IMMP2L: variants seen among roughly 807,000 people sequenced by gnomAD.
IMMP2L encodes inner mitochondrial membrane peptidase subunit 2, also known as mitochondrial inner membrane protease subunit 2.
In IMMP2L, 18 loss-of-function variants were observed where a neutral mutation model predicts 19.3. The ratio of observed to expected loss-of-function variants is 0.93; its 90% CI spans 0.64 to 1.38. IMMP2L has a LOEUF of 1.38. IMMP2L is among the 40% of genes most tolerant of loss of function. The pLI is 0.00. For synonymous variants in IMMP2L, 76 were observed against 73.0 expected (o/e 1.04, Z -0.21); for missense variants, 233 against 218.2 (o/e 1.07, Z -0.43).
chr7:111,447,399 T>A (rs1435908988), intron 3 of IMMP2L, among the ~76,000 whole-genome samples: 1 of 149,184 alleles, frequency 6.7e-6, no homozygotes, highest in African/African-American at 2.5e-5. Context: ...TGGGGGCCAA[T>A]ATTCAACATT....
intron 5 of IMMP2L, among the ~76,000 whole-genome samples, chr7:110,783,926 A>T (rs1799902375): frequency 6.6e-6 from 1 of 151,934 alleles, no homozygotes; most frequent in African/African-American, 2.4e-5. Context: ...CTCCATAAAA[A>T]GACATTGGAC....
chr7:111,080,112 T>C (rs1178146552), intron 3 of IMMP2L, among the ~76,000 whole-genome samples: 1 of 152,222 alleles, frequency 6.6e-6, no homozygotes, highest in Non-Finnish European at 1.5e-5. Context: ...CTTTGTTCTA[T>C]GAACAAATTT....
intron 3 of IMMP2L, among the ~76,000 whole-genome samples, chr7:111,389,405 G>GT (rs376681496): frequency 1.7e-3 from 259 of 152,120 alleles, no homozygotes; most frequent in Non-Finnish European, 3.0e-3. Context: ...CGGTAATATT[G>GT]TATCAATACT....
chr7:111,534,346 A>G (rs1847680534), intron 1 of IMMP2L, among the ~76,000 whole-genome samples: 1 of 152,242 alleles, frequency 6.6e-6, no homozygotes, highest in South Asian at 2.1e-4. Context: ...ATATCGTTAT[A>G]TTGCTTGAGA....
chr7:110,666,055 G>T (rs999460773), intron 5 of IMMP2L, among the ~76,000 whole-genome samples: 5 of 151,696 alleles, frequency 3.3e-5, no homozygotes, highest in African/African-American at 1.2e-4. Flanking sequence ...CTTTTTTTAA[G>T]TCAAAATCTG....
chr7:110,786,853 G>A (rs1800112117), intron 5 of IMMP2L, among the ~76,000 whole-genome samples: 1 of 151,914 alleles, frequency 6.6e-6, no homozygotes, highest in African/African-American at 2.4e-5. Flanking sequence ...CTTTTAATCA[G>A]GCATTTCTCC....
In IMMP2L at chr7:110,879,022, G is replaced by A. The variant is rs143076708; in HGVS notation, c.408+7571C>T. The stretch of plus-strand genomic sequence containing the variant: ...TGCCTTAGGCCTCACATATATTAGG[G>A]GACGATCTAATATTTATAAGTAATG... On this transcript the variant is annotated intron_variant, in intron 5 of 5. Transcript: ENST00000405709. Among the ~76,000 whole-genome samples the A allele has an allele frequency of 3.4e-3, 514 of 152,136 alleles. 2 individuals carry two copies. The highest frequency in any genetic ancestry group is 0.012 in the African/African-American group (483 of 41,530).
At chr7:110,672,536 T>C (rs1791993292) in intron 5 of IMMP2L, among the ~76,000 whole-genome samples, 1 of 152,058 alleles carries the variant, frequency 6.6e-6, no homozygotes. Flanking sequence ...AAAGTCTAAG[T>C]CCAAAGTCTC....
chr7:111,447,837 G>A (rs1217817077), intron 3 of IMMP2L, among the ~76,000 whole-genome samples: 1 of 151,618 alleles, frequency 6.6e-6, no homozygotes, highest in African/African-American at 2.4e-5. Context: ...GACACACATA[G>A]GCTCAAAATA....
intron 3 of IMMP2L, among the ~76,000 whole-genome samples, chr7:111,307,710 T>G (rs577013550): frequency 2.0e-5 from 3 of 151,786 alleles, no homozygotes; most frequent in Admixed American, 2.0e-4. Flanking sequence ...TTTTATTCCT[T>G]GAGAGAATTT....
chr7:111,006,562 A>G (rs894110034), intron 3 of IMMP2L, among the ~76,000 whole-genome samples: 2 of 152,144 alleles, frequency 1.3e-5, no homozygotes, highest in African/African-American at 4.8e-5. Flanking sequence ...TAGGAAAACC[A>G]TATTTCCCTG....
intron 2 of IMMP2L, among the ~76,000 whole-genome samples, chr7:111,518,911 C>T (rs1324603426): frequency 6.6e-6 from 1 of 152,122 alleles, no homozygotes; most frequent in Non-Finnish European, 1.5e-5. Flanking sequence ...ACTCCAATCC[C>T]CAATTCCCAC....
At chr7:111,451,960 C>T (rs1350268345) in intron 3 of IMMP2L, among the ~76,000 whole-genome samples, 1 of 152,028 alleles carries the variant, frequency 6.6e-6, no homozygotes, top group Non-Finnish European at 1.5e-5. Flanking sequence ...AGTGCCTTTC[C>T]ACACAGACTT....
At chr7:110,955,830 A>G (rs1818298514) in intron 4 of IMMP2L, among the ~76,000 whole-genome samples, 1 of 151,494 alleles carries the variant, frequency 6.6e-6, no homozygotes, top group African/African-American at 2.4e-5. Context: ...CTAATTATTA[A>G]TCTACCAAAA....
In IMMP2L at chr7:111,228,160, C is replaced by A. The variant is rs192928967; in HGVS notation, c.239+259078G>T. 1.7e-3 allele frequency among the ~76,000 whole-genome samples: 262 copies of A among 152,102 alleles called. 2 individuals are homozygous for A. Among genetic ancestry groups the A allele is most frequent in the Middle Eastern group, 3.4e-3 (1 of 294 alleles). On this transcript the variant is annotated intron_variant, in intron 3 of 5. Coordinates refer to ENST00000405709, the MANE Select transcript of IMMP2L (RefSeq NM_032549.4). ...ATGTTCATGTTTAAAACAAACATTT[C>A]TGAAACACAAAATAATTCTACTCCT...
intron 1 of IMMP2L, among the ~76,000 whole-genome samples, chr7:111,533,194 T>C (rs893300287): frequency 1.3e-5 from 2 of 152,176 alleles, no homozygotes; most frequent in Non-Finnish European, 2.9e-5. Context: ...CAAGTGTCTG[T>C]TGCACAAAAA....
chr7:111,233,952 T>G (rs1814001952), intron 3 of IMMP2L, among the ~76,000 whole-genome samples: 1 of 152,056 alleles, frequency 6.6e-6, no homozygotes, highest in Non-Finnish European at 1.5e-5. Flanking sequence ...ATTCTGTAGC[T>G]AAAATTTCTC....
At chr7:110,949,587 AATTT>A (rs1381912328) in intron 4 of IMMP2L, among the ~76,000 whole-genome samples, 3 of 152,144 alleles carry the variant, frequency 2.0e-5, no homozygotes, top group African/African-American at 7.2e-5. Context: ...TTTTATTGGG[AATTT>A]ATTTATTTTA....
chr7:111,437,241 T>C (rs898503922), intron 3 of IMMP2L, among the ~76,000 whole-genome samples: 16 of 151,580 alleles, frequency 1.1e-4, no homozygotes, highest in African/African-American at 3.7e-4. Flanking sequence ...AGGTCATGAG[T>C]TCGAGACCAG....
Sources: allele counts gnomAD v4.1 joint callset (sites outside exome capture counted in the v4.1 genomes callset), GRCh38; gene constraint gnomAD v4.1.1; transcripts MANE v1.5; gene names NCBI Gene and HGNC (gene_info 2026-07-23, HGNC 2026-07-21).